Variants in PTPRN2 observed in about 807,000 individuals in gnomAD.
The protein encoded by PTPRN2 is receptor-type tyrosine-protein phosphatase N2.
A neutral mutation model predicts 118.8 loss-of-function variants in PTPRN2; 74 were observed. That is an observed-to-expected ratio of 0.62 (90% CI 0.52 to 0.76). The LOEUF (loss-of-function observed/expected upper bound fraction) is 0.76, where lower values mean the gene tolerates loss of function less well. PTPRN2 is among the 30% of genes least tolerant of loss of function. PTPRN2 has a pLI of 0.00. For synonymous variants in PTPRN2, 641 were observed against 608.0 expected, an observed-to-expected ratio of 1.05 and a Z score of -0.80; for missense variants, 1,481 against 1,394.4, an observed-to-expected ratio of 1.06 and a Z score of -0.99.
At position 158,294,969 on chromosome 7, in the gene PTPRN2, G is replaced by A. The variant is rs548993356; in HGVS notation, c.277+21850C>T. On this transcript the variant is annotated intron_variant, in intron 3 of 22. Transcript: ENST00000389418. ...CTTTCTGAGGGTCCAAGCCCACGGC[G>A]CCCGCTGACCCTGCCTGTCTGCCCA... Among the ~76,000 whole-genome samples, 1,077 of 132,942 alleles carry A rather than the reference G, an allele frequency of 8.1e-3. 20 individuals carry two copies. Among genetic ancestry groups the A allele is most frequent in the African/African-American group, 0.031 (1,012 of 32,642 alleles). The allele number at this position is 132,942 out of a possible 152,430, so 87.2% of individuals were successfully genotyped here.
intron 14 of PTPRN2, among the ~76,000 whole-genome samples, chr7:157,650,302 G>A (rs527992325): frequency 7.8e-4 from 119 of 152,310 alleles, no homozygotes; most frequent in Non-Finnish European, 1.3e-3. Context: ...ACCCCCACCC[G>A]CCGTGCTGGG....
intron 12 of PTPRN2, among the ~76,000 whole-genome samples, chr7:157,749,479 T>G (rs372797862): frequency 0.19 from 6,743 of 36,354 alleles, 238 homozygotes; most frequent in Admixed American, 0.27. Context: ...GAGCTGTGGG[T>G]TGTCTGGGTG....
At chr7:158,248,453 A>C (rs1257333718) in intron 3 of PTPRN2, among the ~76,000 whole-genome samples, 1 of 148,026 alleles carries the variant, frequency 6.8e-6, no homozygotes, top group Admixed American at 6.9e-5. Context: ...CTTGAATTCA[A>C]ATCTTAAAAT....
In PTPRN2 at chr7:158,525,847, G is replaced by A. The variant is rs542438999; in HGVS notation, c.113-36062C>T. ...AAGCTCCCGCTTCAGCAAGAGGAAAGCCCCGATGATACAGGGTGAAGACGC... is the reference window on the plus strand; with the variant it reads ...AAGCTCCCGCTTCAGCAAGAGGAAAACCCCGATGATACAGGGTGAAGACGC... On this transcript the variant is annotated intron_variant, in intron 1 of 22. Transcript: ENST00000389418. This position sits in a 1 kb window ranked among gnomAD's most constrained non-coding sequence, Gnocchi z 4.1. Among the ~76,000 whole-genome samples, 1 of 152,150 alleles carries A rather than the reference G, an allele frequency of 6.6e-6. No homozygotes were observed.
chr7:157,626,356 T>G (rs1046726491), intron 14 of PTPRN2, among the ~76,000 whole-genome samples: 2 of 152,240 alleles, frequency 1.3e-5, no homozygotes, highest in Non-Finnish European at 2.9e-5. Flanking sequence ...ATACTTTCTA[T>G]CCCATAAGAC....
At chr7:157,912,428 T>C (rs1798153591) in intron 11 of PTPRN2, among the ~76,000 whole-genome samples, 1 of 152,194 alleles carries the variant, frequency 6.6e-6, no homozygotes, top group African/African-American at 2.4e-5. Flanking sequence ...ACTTTGTCAG[T>C]TATGTGGGCT....
chr7:158,252,173 G>A (rs975965785), intron 3 of PTPRN2, among the ~76,000 whole-genome samples: 2 of 152,158 alleles, frequency 1.3e-5, no homozygotes, highest in Non-Finnish European at 2.9e-5. Flanking sequence ...TCAGCTGCTT[G>A]GAGTGGGTGG....
chr7:157,627,103 A>G lies in PTPRN2; in HGVS notation c.2197-5594T>C, dbSNP rs1208693416. ...ACATCTCCCTCATTCTCCACAGTCCAGGTCCCAGGTGGGGTGCTCCATCTC... is the reference window on the plus strand; with the variant it reads ...ACATCTCCCTCATTCTCCACAGTCCGGGTCCCAGGTGGGGTGCTCCATCTC... On this transcript the variant is annotated intron_variant, in intron 14 of 22. Transcript: ENST00000389418. The surrounding 1 kb of genome is among the most constrained non-coding windows in gnomAD (Gnocchi z 4.2). Among the ~76,000 whole-genome samples, 1 of 152,176 alleles carries G rather than the reference A, an allele frequency of 6.6e-6. No individual in the cohort carries two copies. The highest frequency in any genetic ancestry group is 1.5e-5 in the Non-Finnish European group (1 of 68,024).
intron 11 of PTPRN2, among the ~76,000 whole-genome samples, chr7:158,005,545 C>T (rs1805576640): frequency 6.6e-6 from 1 of 152,184 alleles, no homozygotes; most frequent in South Asian, 2.1e-4. Flanking sequence ...AAAGTAGGGG[C>T]TAGTAAAGCC....
intron 11 of PTPRN2, among the ~76,000 whole-genome samples, chr7:158,007,218 G>A (rs1217992585): frequency 3.9e-5 from 6 of 152,186 alleles, no homozygotes; most frequent in Admixed American, 1.3e-4. Context: ...ATGCGGCCCC[G>A]GGTGTTGGCG....
Position 158,073,604 on chromosome 7 carries a change from T to A in PTPRN2, c.1723+7694A>T, listed in dbSNP as rs183084844. ...GATGAAGCCGCTTCCTACTAAGGTA[T>A]GAAGACACTGCCCTTTCTATGCGGA... On this transcript the variant is annotated intron_variant, in intron 11 of 22. Coordinates refer to ENST00000389418, the MANE Select transcript of PTPRN2 (RefSeq NM_002847.5). Among the ~76,000 whole-genome samples the A allele has an allele frequency of 4.5e-4, 68 of 151,314 alleles. 1 individual carries two copies. In the Middle Eastern group the frequency reaches 0.014, roughly 30 times the overall value.
chr7:157,764,755 AGAGT>A lies in PTPRN2; in HGVS notation c.1789-81822_1789-81819del, dbSNP rs1802344674. ...CCACAATAAAAAATTAAAAAATAAAAGAGTGAGAGACTGCGTGCCTGGCATACAG... is the reference window on the plus strand; with the variant it reads ...CCACAATAAAAAATTAAAAAATAAAAGAGAGACTGCGTGCCTGGCATACAG... On this transcript the variant is annotated intron_variant, in intron 12 of 22. Coordinates refer to ENST00000389418, the MANE Select transcript of PTPRN2 (RefSeq NM_002847.5). The surrounding 1 kb of genome is among the most constrained non-coding windows in gnomAD (Gnocchi z 4.5). 6.6e-6 allele frequency among the ~76,000 whole-genome samples: 1 copy of A among 152,194 alleles called. No homozygotes were observed. Among genetic ancestry groups the A allele is most frequent in the African/African-American group, 2.4e-5 (1 of 41,442 alleles).
intron 1 of PTPRN2, among the ~76,000 whole-genome samples, chr7:158,542,309 C>A (rs1479385156): frequency 1.3e-5 from 2 of 152,206 alleles, no homozygotes; most frequent in African/African-American, 4.8e-5. Flanking sequence ...CGCCACCATG[C>A]CCAGCTAATT....
chr7:158,081,267 T>TGC, intron 11 of PTPRN2, 31 bp downstream of exon 11: 2 of 1,553,468 alleles, frequency 1.3e-6, no homozygotes, highest in Non-Finnish European at 1.8e-6. Flanking sequence ...CACGTGTGTG[T>TGC]GCGTGTACGT....
At chr7:158,330,961 G>A (rs1467768563) in intron 2 of PTPRN2, among the ~76,000 whole-genome samples, 7 of 111,510 alleles carry the variant, frequency 6.3e-5, no homozygotes, top group African/African-American at 2.4e-4. Context: ...GTCACACGCA[G>A]ACGACACTCA....
intron 3 of PTPRN2, among the ~76,000 whole-genome samples, chr7:158,300,079 G>A (rs1381728483): frequency 1.3e-5 from 2 of 152,182 alleles, no homozygotes; most frequent in Non-Finnish European, 2.9e-5. Context: ...TAGAAACCTA[G>A]GATGTTTTGG....
chr7:157,826,313 CAA>C (rs1807173354), intron 12 of PTPRN2, among the ~76,000 whole-genome samples: 1 of 1,050 alleles, frequency 9.5e-4, no homozygotes, highest in African/African-American at 9.1e-3. Flanking sequence ...GCGTGCTGTG[CAA>C]AGACGGCAGC....
At chr7:158,469,447 TCAACAA>T (rs751250281) in intron 2 of PTPRN2, among the ~76,000 whole-genome samples, 1 of 151,906 alleles carries the variant, frequency 6.6e-6, no homozygotes, top group East Asian at 1.9e-4. Context: ...CTCCCCTGTC[TCAACAA>T]CAACAACAAC....
At chr7:158,249,042 G>A (rs1796466678) in intron 3 of PTPRN2, among the ~76,000 whole-genome samples, 1 of 144,416 alleles carries the variant, frequency 6.9e-6, no homozygotes, top group South Asian at 2.2e-4. Flanking sequence ...GTGCACACAT[G>A]CCACACACGT....
Sources: allele counts gnomAD v4.1 joint callset (sites outside exome capture counted in the v4.1 genomes callset), GRCh38; gene constraint gnomAD v4.1.1; non-coding constraint Gnocchi (gnomAD v3.1); transcripts MANE v1.5; gene names NCBI Gene and HGNC (gene_info 2026-07-23, HGNC 2026-07-21).